MANEA: variants seen among roughly 807,000 people sequenced by gnomAD.
The protein encoded by MANEA is glycoprotein endo-alpha-1,2-mannosidase.
MANEA carries 25 observed loss-of-function variants against 36.8 expected under a neutral mutation model. The ratio of observed to expected loss-of-function variants is 0.68; its 90% CI spans 0.50 to 0.95. The LOEUF (loss-of-function observed/expected upper bound fraction) is 0.95, where lower values mean the gene tolerates loss of function less well. Among genes scored for constraint, MANEA ranks in the 40% least tolerant of loss-of-function variants. MANEA has a pLI of 0.00. For synonymous variants in MANEA, 198 were observed against 188.5 expected, an observed-to-expected ratio of 1.05 and a Z score of -0.41; for missense variants, 565 against 558.8, an observed-to-expected ratio of 1.01 and a Z score of -0.11.
rs1185538917 is a variant in MANEA, at chr6:95,605,793, C to G, written c.777C>G (p.Gly259=). 4.3e-5 allele frequency: 69 copies of G among 1,613,196 alleles called. No individual in the cohort carries two copies. The highest frequency in any genetic ancestry group is 5.4e-5 in the Non-Finnish European group (64 of 1,179,436). ...TTTACAGGTACAAGACGAAGACTGG[C>G]AATGCTCTTCCTATGTTTTATGTCT... ...PAFYRYKTKT[G]NALPMFYVYD... Residue 259 remains glycine (G), a synonymous_variant, in exon 5 of 5, where the codon GGC becomes GGG. Coordinates refer to ENST00000358812, the MANE Select transcript of MANEA (RefSeq NM_024641.4).
chr6:95,586,074 A>G (rs1207427993), intron 1 of MANEA, among the ~76,000 whole-genome samples: 1 of 152,210 alleles, frequency 6.6e-6, no homozygotes, highest in Non-Finnish European at 1.5e-5. Flanking sequence ...CATTCAGCAT[A>G]CATGTAATCT....
intron 2 of MANEA, among the ~76,000 whole-genome samples, chr6:95,592,545 G>T (rs1298792720): frequency 6.6e-6 from 1 of 152,042 alleles, no homozygotes; most frequent in Non-Finnish European, 1.5e-5. Context: ...AAATGAGCTT[G>T]CCTTTTTTTC....
chr6:95,608,240 C>G lies in MANEA; in HGVS notation c.*1835C>G, dbSNP rs1224303281. ...TAGGTATAATTTACAAATGTCACAC[C>G]TAATAATCTTTTATAATATACCATA... is the stretch of plus-strand genomic sequence containing the variant. On this transcript the variant is annotated 3_prime_UTR_variant, in exon 5 of 5. Coordinates refer to ENST00000358812, the MANE Select transcript of MANEA (RefSeq NM_024641.4). 1.1e-4 allele frequency: 17 copies of G among 151,768 alleles called. No individual in the cohort carries two copies. Among genetic ancestry groups the G allele is most frequent in the African/African-American group, 4.1e-4 (17 of 41,452 alleles). The allele number at this position is 151,768 out of a possible 1,614,324, so 9.4% of individuals were successfully genotyped here.
At chr6:95,589,702 CCTT>C (rs1769351570) in intron 2 of MANEA, among the ~76,000 whole-genome samples, 1 of 151,938 alleles carries the variant, frequency 6.6e-6, no homozygotes, top group Non-Finnish European at 1.5e-5. Flanking sequence ...CAGATGAATG[CCTT>C]CTTTTTTTTA....
chr6:95,593,592 C>T (rs1049392865), intron 2 of MANEA, among the ~76,000 whole-genome samples: 2 of 152,176 alleles, frequency 1.3e-5, no homozygotes, highest in South Asian at 2.1e-4. Context: ...GGCTATTGAA[C>T]ACTTGAAACG....
At position 95,606,180 on chromosome 6, in the gene MANEA, C is replaced by A; in HGVS notation, c.1164C>A (p.Ala388=). The change falls in exon 5 of 5, where the codon GCC becomes GCA. Residue 388 remains alanine, a synonymous_variant. Coordinates refer to ENST00000358812, the MANE Select transcript of MANEA (RefSeq NM_024641.4). ...AGTATTATGAAATTGGTCTGAGTGC[C>A]GCACTTCAGACACGCCCCAGCTTAA... is the stretch of plus-strand genomic sequence containing the variant. ...NGKYYEIGLS[A]ALQTRPSLIS... The A allele has an allele frequency of 1.9e-6, 3 of 1,613,976 alleles. No homozygotes were observed. In the South Asian group the frequency reaches 3.3e-5, roughly 18 times the overall value.
chr6:95,586,049 AATGTTCCCTTCCTACATTCAGCATAC>A (rs1769274240), intron 1 of MANEA, among the ~76,000 whole-genome samples: 1 of 152,194 alleles, frequency 6.6e-6, no homozygotes, highest in African/African-American at 2.4e-5. Context: ...ACATACATAG[AATGTTCCCTTCCTACATTCAGCATAC>A]ATGTAATCTG....
intron 3 of MANEA, among the ~76,000 whole-genome samples, chr6:95,598,046 A>T (rs201284815): frequency 6.6e-6 from 1 of 151,526 alleles, no homozygotes; most frequent in African/African-American, 2.4e-5. Context: ...ACTAAAATTA[A>T]TTTTTTTTGG....
chr6:95,607,772 TAATA>T lies in MANEA; in HGVS notation c.*1368_*1371del, dbSNP rs893737439. 1 of 151,598 alleles carries T rather than the reference TAATA, an allele frequency of 6.6e-6. No individual in the cohort carries two copies. The highest frequency in any genetic ancestry group is 6.6e-5 in the Admixed American group (1 of 15,180). 9.4% of individuals were successfully genotyped at this position (151,598 alleles called of 1,614,324 possible). A position where few individuals can be genotyped will look rare whatever the true frequency, so the allele number is the denominator to read the frequency against. ...AATGTTTATAACTATAGTAAAAAAT[TAATA>T]TATATCCTATTACATAAATGTTATT... On this transcript the variant is annotated 3_prime_UTR_variant, in exon 5 of 5. Coordinates refer to ENST00000358812, the MANE Select transcript of MANEA (RefSeq NM_024641.4).
intron 3 of MANEA, 141 bp from the exon 4 acceptor site, chr6:95,604,686 C>G (rs1441004931): frequency 7.1e-6 from 3 of 420,180 alleles, no homozygotes; most frequent in Non-Finnish European, 1.3e-5. Flanking sequence ...GGTAAAAATT[C>G]TCTGGTAGTT....
chr6:95,600,530 GT>G (rs1269828185), intron 3 of MANEA, among the ~76,000 whole-genome samples: 1 of 152,102 alleles, frequency 6.6e-6, no homozygotes, highest in African/African-American at 2.4e-5. Context: ...AGTAAATCCT[GT>G]TTTTTTAAAG....
intron 2 of MANEA, among the ~76,000 whole-genome samples, chr6:95,591,082 A>G (rs1403427426): frequency 6.6e-6 from 1 of 152,254 alleles, no homozygotes; most frequent in African/African-American, 2.4e-5. Flanking sequence ...CCGATGGGTC[A>G]TAGTTTGCTG....
At position 95,605,808 on chromosome 6, in the gene MANEA, G is replaced by T; in HGVS notation, c.792G>T (p.Met264Ile). 1 of 1,613,604 alleles carries T rather than the reference G, an allele frequency of 6.2e-7. No individual in the cohort carries two copies. The highest frequency in any genetic ancestry group is 8.5e-7 in the Non-Finnish European group (1 of 1,179,688). Residue 264 changes from methionine (M) to isoleucine (I), a missense_variant, in exon 5 of 5, where the codon ATG becomes ATT. By Grantham distance (10) the Met-to-Ile change is conservative (BLOSUM62 1). Transcript: ENST00000358812. Reference sequence around the variant, plus strand: ...CGAAGACTGGCAATGCTCTTCCTATGTTTTATGTCTATGATTCCTATATTA... The same window carrying T: ...CGAAGACTGGCAATGCTCTTCCTATTTTTTATGTCTATGATTCCTATATTA... ...YKTKTGNALP[M>I]FYVYDSYITK...
intron 2 of MANEA, chr6:95,587,285 C>A: frequency 3.0e-6 from 1 of 331,320 alleles, no homozygotes; most frequent in Non-Finnish European, 5.7e-6. Context: ...AATGAATTTC[C>A]CACTTTAAGT....
At chr6:95,585,068 A>G (rs1769255293) in intron 1 of MANEA, among the ~76,000 whole-genome samples, 1 of 152,174 alleles carries the variant, frequency 6.6e-6, no homozygotes, top group Admixed American at 6.6e-5. Flanking sequence ...TTCTAATAAG[A>G]AATCTGTATA....
intron 3 of MANEA, among the ~76,000 whole-genome samples, 194 bp downstream of exon 3, chr6:95,597,040 CTA>C (rs1769495262): frequency 6.6e-6 from 1 of 151,710 alleles, no homozygotes; most frequent in African/African-American, 2.4e-5. Flanking sequence ...AGATTCTTTA[CTA>C]TGTTTCTAAT....
intron 3 of MANEA, among the ~76,000 whole-genome samples, chr6:95,599,416 C>CAA (rs11294845): frequency 7.5e-6 from 1 of 134,184 alleles, no homozygotes; most frequent in Non-Finnish European, 1.6e-5. Context: ...GAGTCTATCT[C>CAA]AAAAAAAAAA....
intron 4 of MANEA, 86 bp from the exon 5 acceptor site, chr6:95,605,662 A>G (rs917059392): frequency 2.7e-4 from 217 of 806,370 alleles, no homozygotes; most frequent in Non-Finnish European, 4.1e-4. Context: ...AACTGCACTG[A>G]CTCCTTCATT....
chr6:95,606,348 A>G lies in MANEA; in HGVS notation c.1332A>G (p.Glu444=). ...TAGAACTGACTCGCAAGTGGTCTGA[A>G]AAATACAGTAAGGAAAGAGCAACTT... ...LYLELTRKWS[E]KYSKERATYA... Residue 444 remains glutamate, a synonymous_variant, in exon 5 of 5, where the codon GAA becomes GAG. Coordinates refer to ENST00000358812, the MANE Select transcript of MANEA (RefSeq NM_024641.4). The G allele has an allele frequency of 6.2e-7, 1 of 1,606,880 alleles. No individual in the cohort carries two copies.
Sources: allele counts gnomAD v4.1 joint callset (sites outside exome capture counted in the v4.1 genomes callset), GRCh38; gene constraint gnomAD v4.1.1; transcripts MANE v1.5; gene names NCBI Gene and HGNC (gene_info 2026-07-23, HGNC 2026-07-21).